Variants in NXN observed in about 807,000 individuals in gnomAD.
NXN encodes nucleoredoxin.
NXN carries 16 observed loss-of-function variants against 48.6 expected under a neutral mutation model. The observed-to-expected ratio is 0.33, with a 90% CI of 0.22 to 0.50. The LOEUF is 0.50. Ranked by LOEUF, NXN falls within the 20% of genes least tolerant of loss-of-function variation. The probability of loss-of-function intolerance (pLI) is 0.98; values close to 1 mark genes in which losing one functional copy is unlikely to be tolerated. For synonymous variants in NXN, 281 were observed against 269.6 expected (o/e 1.04, Z -0.41); for missense variants, 492 against 605.5 (o/e 0.81, Z 1.97).
chr17:915,164 G>C (rs1048555257), intron 1 of NXN, among the ~76,000 whole-genome samples: 3 of 152,132 alleles, frequency 2.0e-5, no homozygotes, highest in Non-Finnish European at 2.9e-5. Context: ...TCGAACTTCT[G>C]ACCTCGTGAT....
intron 1 of NXN, among the ~76,000 whole-genome samples, chr17:835,643 G>A (rs1037885171): frequency 3.3e-5 from 5 of 152,252 alleles, no homozygotes; most frequent in East Asian, 1.9e-4. Flanking sequence ...ACTGGGAACC[G>A]GGAAACGGTA....
intron 1 of NXN, among the ~76,000 whole-genome samples, chr17:877,696 C>T (rs992590269): frequency 6.6e-6 from 1 of 152,168 alleles, no homozygotes; most frequent in Admixed American, 6.5e-5. Flanking sequence ...GGCACACGCT[C>T]AGTGCTTTAC....
At chr17:890,513 T>TA (rs2068404472) in intron 1 of NXN, among the ~76,000 whole-genome samples, 1 of 151,572 alleles carries the variant, frequency 6.6e-6, no homozygotes, top group South Asian at 2.1e-4. Flanking sequence ...AGCTAGGACT[T>TA]ACAGACACCC....
chr17:917,671 C>T lies in NXN; in HGVS notation c.360+61648G>A, dbSNP rs75059916. 6.0e-3 allele frequency among the ~76,000 whole-genome samples: 921 copies of T among 152,338 alleles called. 14 individuals carry two copies. Among genetic ancestry groups the T allele is most frequent in the African/African-American group, 0.021 (863 of 41,568 alleles). ...CCATCTCAACCCAATGTAGGCCACC[C>T]GCTGCAGGCGAGCTTCCCTACCCAA... is the stretch of plus-strand genomic sequence containing the variant. On this transcript the variant is annotated intron_variant, in intron 1 of 7. Coordinates refer to ENST00000336868, the MANE Select transcript of NXN (RefSeq NM_022463.5). This position sits in a 1 kb window ranked among gnomAD's most constrained non-coding sequence, Gnocchi z 4.5.
intron 5 of NXN, among the ~76,000 whole-genome samples, chr17:818,834 G>A (rs1351374637): frequency 2.0e-5 from 3 of 150,874 alleles, no homozygotes; most frequent in Non-Finnish European, 2.9e-5. Context: ...GCAGTGAGCG[G>A]AGATCGCACC....
chr17:961,302 T>C (rs1331233423), intron 1 of NXN, among the ~76,000 whole-genome samples: 4 of 151,882 alleles, frequency 2.6e-5, no homozygotes, highest in Non-Finnish European at 5.9e-5. Context: ...GGAGAATCGC[T>C]TGAACCCGGG....
intron 5 of NXN, among the ~76,000 whole-genome samples, chr17:807,066 C>T (rs747466927): frequency 6.2e-4 from 94 of 152,220 alleles, no homozygotes; most frequent in Non-Finnish European, 7.3e-4. Context: ...CATTTCCAGC[C>T]ACATCCTCAG....
rs796575854 is a variant in NXN at position 951,351 on chromosome 17, A to G, written c.360+27968T>C. On this transcript the variant is annotated intron_variant, in intron 1 of 7. Transcript: ENST00000336868. ...AGTGACAGAGTGAGACTCCATCTCG[A>G]AAAAAAAAAAAAAGACTGAACAGCT... 2.0e-3 allele frequency among the ~76,000 whole-genome samples: 145 copies of G among 74,224 alleles called. 1 individual carries two copies. Among genetic ancestry groups the G allele is most frequent in the African/African-American group, 4.9e-3 (134 of 27,506 alleles). 48.7% of individuals were successfully genotyped at this position (74,224 alleles called of 152,430 possible).
At chr17:803,906 G>T (rs1911341591) in intron 6 of NXN, 100 bp from the exon 7 acceptor site, 2 of 1,490,374 alleles carry the variant, frequency 1.3e-6, no homozygotes, top group Admixed American at 1.8e-5. Flanking sequence ...AGAAACGCCC[G>T]CCTGAGCGGC....
intron 1 of NXN, among the ~76,000 whole-genome samples, chr17:936,647 A>AG (rs773146144): frequency 1.3e-5 from 2 of 150,616 alleles, no homozygotes; most frequent in Admixed American, 6.7e-5. Context: ...GCAAACAGTG[A>AG]GGGAAAAAAA....
At chr17:826,183 C>A in intron 1 of NXN, 105 bp from the exon 2 acceptor site, 1 of 801,890 alleles carries the variant, frequency 1.2e-6, no homozygotes, top group Non-Finnish European at 2.3e-6. Flanking sequence ...GGCAAGCATT[C>A]AAGCACACAG....
In NXN at chr17:853,723, A is replaced by ATTTTTT. The variant is rs1221156589; in HGVS notation, c.361-27651_361-27646dup. Among the ~76,000 whole-genome samples, 868 of 105,926 alleles carry ATTTTTT rather than the reference A, an allele frequency of 8.2e-3. 30 individuals carry two copies. Among genetic ancestry groups the ATTTTTT allele is most frequent in the African/African-American group, 0.036 (832 of 23,202 alleles). The allele number at this position is 105,926 out of a possible 152,430, so 69.5% of individuals were successfully genotyped here. ...TACACATATATATATATATATATATATTTTTTTTTTTTTTTCCAAGACGGA... is the reference window on the plus strand; with the variant it reads ...TACACATATATATATATATATATATATTTTTTTTTTTTTTTTTTTTTCCAAGACGGA... On this transcript the variant is annotated intron_variant, in intron 1 of 7. Coordinates refer to ENST00000336868, the MANE Select transcript of NXN (RefSeq NM_022463.5).
intron 1 of NXN, among the ~76,000 whole-genome samples, chr17:852,824 AG>A (rs1239212859): frequency 6.7e-6 from 1 of 149,456 alleles, no homozygotes; most frequent in African/African-American, 2.6e-5. Flanking sequence ...GAGCTTGACC[AG>A]AAGTGTTTAA....
intron 1 of NXN, among the ~76,000 whole-genome samples, chr17:946,432 G>T (rs961934574): frequency 6.6e-6 from 1 of 152,214 alleles, no homozygotes; most frequent in African/African-American, 2.4e-5. Flanking sequence ...CTCCCAAAGT[G>T]CTGGGATAAC....
chr17:927,897 C>A (rs543880491), intron 1 of NXN, among the ~76,000 whole-genome samples: 34 of 152,098 alleles, frequency 2.2e-4, no homozygotes, highest in African/African-American at 8.0e-4. Flanking sequence ...TTCCTTATAC[C>A]ACCTGGACTC....
At position 932,584 on chromosome 17, in the gene NXN, A is replaced by C. The variant is rs1257232442; in HGVS notation, c.360+46735T>G. Among the ~76,000 whole-genome samples the C allele has an allele frequency of 6.6e-6, 1 of 152,132 alleles. No individual in the cohort carries two copies. The highest frequency in any genetic ancestry group is 2.4e-5 in the African/African-American group (1 of 41,434). ...GAAAACACAGGCTGGATTTTAAAGG[A>C]TCTCTAGGGCTAGTTTCCCCAGGTT... On this transcript the variant is annotated intron_variant, in intron 1 of 7. Transcript: ENST00000336868. This position sits in a 1 kb window ranked among gnomAD's most constrained non-coding sequence, Gnocchi z 4.1.
At chr17:908,147 G>C (rs2068598218) in intron 1 of NXN, 1 of 152,186 alleles carries the variant, frequency 6.6e-6, no homozygotes, top group Admixed American at 6.5e-5. Context: ...GTTCCCCAGA[G>C]ACGGCTCACA....
chr17:856,367 C>T (rs1206770808), intron 1 of NXN, among the ~76,000 whole-genome samples: 1 of 152,166 alleles, frequency 6.6e-6, no homozygotes, highest in Non-Finnish European at 1.5e-5. Context: ...AGGTCTTTCC[C>T]TCTGGGACTC....
intron 1 of NXN, among the ~76,000 whole-genome samples, chr17:885,611 T>C (rs2068335949): frequency 1.1e-5 from 1 of 93,176 alleles, no homozygotes. Flanking sequence ...TCCTTTTCTT[T>C]GCGCACACAT....
Sources: gnomAD v4.1 joint callset for allele counts (sites outside exome capture counted in the v4.1 genomes callset) on GRCh38, gnomAD v4.1.1 for gene constraint, Gnocchi (gnomAD v3.1) non-coding constraint, MANE v1.5 for transcripts, NCBI Gene and HGNC (gene_info 2026-07-23, HGNC 2026-07-21) for gene names.